Variants in HMGCL observed in about 807,000 individuals in gnomAD.
HMGCL encodes 3-hydroxy-3-methylglutaryl-CoA lyase, also known as hydroxymethylglutaryl-CoA lyase, mitochondrial.
HMGCL carries 26 observed loss-of-function variants against 37.3 expected under a neutral mutation model. That is an observed-to-expected ratio of 0.70 (90% CI 0.51 to 0.97). The LOEUF (loss-of-function observed/expected upper bound fraction) is 0.97. Ranked by LOEUF, HMGCL falls within the 50% of genes least tolerant of loss-of-function variation. The pLI, the probability that HMGCL is intolerant of heterozygous loss-of-function variation, is 0.00. For synonymous variants in HMGCL, 151 were observed against 148.0 expected (o/e 1.02, Z -0.15); for missense variants, 379 against 398.1 (o/e 0.95, Z 0.41).
At chr1:23,825,305 G>A (rs1035191933) in intron 1 of HMGCL, 51 bp downstream of exon 1, 2 of 1,453,456 alleles carry the variant, frequency 1.4e-6, no homozygotes, top group Non-Finnish European at 1.9e-6. Context: ...CCCCAACCCT[G>A]ACAGTCAGAG....
chr1:23,824,489 A>G (rs1638780754), intron 1 of HMGCL, among the ~76,000 whole-genome samples: 1 of 152,190 alleles, frequency 6.6e-6, no homozygotes. Flanking sequence ...ATGGCCAAGT[A>G]AAGATATTAA....
intron 2 of HMGCL, among the ~76,000 whole-genome samples, chr1:23,818,742 C>T (rs1306691396): frequency 1.3e-5 from 2 of 151,886 alleles, no homozygotes; most frequent in African/African-American, 4.8e-5. Context: ...GATGGGGTTT[C>T]ACCATGTTGG....
At position 23,801,943 on chromosome 1, in the gene HMGCL, G is replaced by C. The variant is rs1271041168; in HGVS notation, c.*520C>G. The C allele has an allele frequency of 1.4e-4, 61 of 421,440 alleles. No homozygotes were observed. The highest frequency in any genetic ancestry group is 2.9e-5 in the Non-Finnish European group (7 of 238,152). 26.1% of individuals were successfully genotyped at this position (421,440 alleles called of 1,614,324 possible). The stretch of plus-strand genomic sequence containing the variant: ...GCTGTTTTCAAAAATCACATTCAGC[G>C]TGGAGATTTTCCAGAGATGCTGGAG... On this transcript the variant is annotated 3_prime_UTR_variant, in exon 9 of 9. Transcript: ENST00000374490.
At chr1:23,808,069 A>G (rs1230653529) in intron 7 of HMGCL, 66 bp downstream of exon 7, 4 of 1,441,708 alleles carry the variant, frequency 2.8e-6, no homozygotes, top group Admixed American at 1.7e-5. Context: ...TGCTGAAAGA[A>G]TAAATGATAA....
At chr1:23,816,861 C>T (rs776235026) in intron 3 of HMGCL, 91 bp from the exon 4 acceptor site, 7 of 811,382 alleles carry the variant, frequency 8.6e-6, no homozygotes, top group Non-Finnish European at 1.5e-5. Context: ...AACCTCTGTT[C>T]TCCAGAACTC....
At chr1:23,821,573 C>T (rs1486184067) in intron 1 of HMGCL, among the ~76,000 whole-genome samples, 2 of 152,026 alleles carry the variant, frequency 1.3e-5, no homozygotes. Context: ...GTGGGAGAAT[C>T]GCTTGAGCCC....
chr1:23,817,621 G>C, intron 2 of HMGCL, 38 bp from the exon 3 acceptor site: 1 of 1,306,746 alleles, frequency 7.7e-7, no homozygotes, highest in Non-Finnish European at 1.1e-6. Flanking sequence ...AGCAAAGTTA[G>C]TAACAAAACA....
intron 4 of HMGCL, 80 bp downstream of exon 4, chr1:23,816,595 G>A (rs1290681113): frequency 1.1e-6 from 1 of 894,840 alleles, no homozygotes; most frequent in East Asian, 2.4e-5. Flanking sequence ...CAGGACAGGG[G>A]ACTGAGGCGC....
chr1:23,812,037 T>C (rs1019148494), intron 5 of HMGCL, among the ~76,000 whole-genome samples: 1 of 152,202 alleles, frequency 6.6e-6, no homozygotes, highest in Non-Finnish European at 1.5e-5. Flanking sequence ...GAGCACCTGC[T>C]TCCCCATTCA....
rs1052804987 is a variant in HMGCL at position 23,825,419 on chromosome 1, G to A, written c.-4C>T. ...GCGCCTTCCTCATTGCTGCCATCTT[G>A]GCCCAGAATCCCCCGCGGCAGTCCA... On this transcript the variant is annotated 5_prime_UTR_variant, in exon 1 of 9. Transcript: ENST00000374490. The A allele has an allele frequency of 6.4e-7, 1 of 1,555,860 alleles. No homozygotes were observed. The highest frequency in any genetic ancestry group is 8.7e-7 in the Non-Finnish European group (1 of 1,150,050).
At chr1:23,817,990 T>C (rs1638645762) in intron 2 of HMGCL, among the ~76,000 whole-genome samples, 1 of 152,208 alleles carries the variant, frequency 6.6e-6, no homozygotes, top group South Asian at 2.1e-4. Flanking sequence ...ATTCCATGGA[T>C]TCCTCTTTCC....
chr1:23,816,853 CCT>C (rs1638622835), intron 3 of HMGCL, 83 bp from the exon 4 acceptor site: 1 of 835,394 alleles, frequency 1.2e-6, no homozygotes, highest in South Asian at 1.3e-5. Context: ...CATCACAAAA[CCT>C]CTGTTCTCCA....
rs770225915 is a variant in HMGCL, at chr1:23,820,533, G to A, written c.121C>T (p.Arg41Ter). 7.4e-6 allele frequency: 12 copies of A among 1,613,520 alleles called. No individual in the cohort carries two copies. The highest frequency in any genetic ancestry group is 1.6e-4 in the Middle Eastern group (1 of 6,084). ...ACCTTTTCATTTTGTAGTCCATCTC[G>A]GGGACCAACTTCCACAATTTTCACC... ...KRVKIVEVGP[R>*]DGLQNEKNIV... is the part of the protein sequence containing the mutation. Residue 41 changes from arginine (R) to a stop codon, truncating the protein, a stop_gained, in exon 2 of 9, where the codon CGA becomes TGA. Coordinates refer to ENST00000374490, the MANE Select transcript of HMGCL (RefSeq NM_000191.3). LOFTEE classifies it high-confidence loss of function.
chr1:23,812,345 T>C (rs764536486), intron 5 of HMGCL, among the ~76,000 whole-genome samples: 24 of 152,026 alleles, frequency 1.6e-4, no homozygotes, highest in Non-Finnish European at 3.4e-4. Context: ...CCGAGAAGCA[T>C]GATGTGGAGG....
At chr1:23,815,205 T>TA (rs762493827) in intron 4 of HMGCL, among the ~76,000 whole-genome samples, 1 of 151,206 alleles carries the variant, frequency 6.6e-6, no homozygotes, top group Non-Finnish European at 1.5e-5. Context: ...AGACTCTGTC[T>TA]AAAAAAAACA....
intron 8 of HMGCL, among the ~76,000 whole-genome samples, chr1:23,802,862 C>A (rs529454682): frequency 1.4e-4 from 22 of 152,300 alleles, no homozygotes; most frequent in Non-Finnish European, 3.1e-4. Context: ...CAGCACAGGG[C>A]CTGGCCCACA....
chr1:23,813,911 G>T (rs1638567972), intron 5 of HMGCL: 1 of 473,184 alleles, frequency 2.1e-6, no homozygotes. Context: ...TCAAACTCCT[G>T]GTCTCAAGCC....
chr1:23,823,133 G>A (rs1183832287), intron 1 of HMGCL, among the ~76,000 whole-genome samples: 1 of 136,770 alleles, frequency 7.3e-6, no homozygotes, highest in East Asian at 2.2e-4. Flanking sequence ...CTGAGATCGT[G>A]CCATTGTACT....
At chr1:23,813,984 T>C (rs1444330434) in intron 5 of HMGCL, 2 of 623,814 alleles carry the variant, frequency 3.2e-6, no homozygotes, top group Non-Finnish European at 5.7e-6. Context: ...GGCTAGCTGG[T>C]AAACTGACCC....
Sources: gnomAD v4.1 joint callset for allele counts (sites outside exome capture counted in the v4.1 genomes callset) on GRCh38, gnomAD v4.1.1 for gene constraint, MANE v1.5 for transcripts, NCBI Gene and HGNC (gene_info 2026-07-23, HGNC 2026-07-21) for gene names.